NINL: variants seen among roughly 807,000 people sequenced by gnomAD.
NINL encodes the protein ninein-like protein.
A neutral mutation model predicts 160.3 loss-of-function variants in NINL; 153 were observed. That is an observed-to-expected ratio of 0.95 (90% CI 0.84 to 1.09). The LOEUF (loss-of-function observed/expected upper bound fraction) is 1.09, where lower values mean the gene tolerates loss of function less well. NINL is among the 50% of genes least tolerant of loss of function. The probability of loss-of-function intolerance (pLI) is 0.00; values close to 1 mark genes in which losing one functional copy is unlikely to be tolerated. For missense variants in NINL, 1,829 were observed against 1,764.0 expected, an observed-to-expected ratio of 1.04 and a Z score of -0.66; for synonymous variants, 800 against 734.8, an observed-to-expected ratio of 1.09 and a Z score of -1.43.
intron 13 of NINL, chr20:25,488,941 C>A: frequency 2.5e-6 from 1 of 396,314 alleles, no homozygotes; most frequent in East Asian, 4.2e-5. Context: ...GCGCCCTGCA[C>A]TCCTATGTCT....
At chr20:25,570,693 ACTTT>A (rs2065044031) in intron 1 of NINL, among the ~76,000 whole-genome samples, 1 of 74,102 alleles carries the variant, frequency 1.3e-5, no homozygotes, top group Admixed American at 1.6e-4. Flanking sequence ...GGGCAAGTAG[ACTTT>A]TTTTTTTTTT....
chr20:25,513,042 T>C (rs2064102239), intron 3 of NINL, 36 bp from the exon 4 acceptor site: 1 of 1,582,340 alleles, frequency 6.3e-7, no homozygotes, highest in Non-Finnish European at 8.6e-7. Context: ...GGGGGTCCTT[T>C]ATAGCAGTTC....
chr20:25,524,648 C>A (rs893144097), intron 2 of NINL, among the ~76,000 whole-genome samples: 2 of 152,128 alleles, frequency 1.3e-5, no homozygotes, highest in East Asian at 3.9e-4. Context: ...GTAACCCAAG[C>A]GAATTTCTCT....
chr20:25,583,994 G>A (rs902785752), intron 1 of NINL, among the ~76,000 whole-genome samples: 5 of 152,206 alleles, frequency 3.3e-5, no homozygotes, highest in East Asian at 1.9e-4. Context: ...GCGGGTGGGG[G>A]GCAAGAGGAG....
chr20:25,533,486 G>A (rs188966713), intron 1 of NINL, among the ~76,000 whole-genome samples: 1 of 152,180 alleles, frequency 6.6e-6, no homozygotes, highest in Non-Finnish European at 1.5e-5. Context: ...CCTATAAAGT[G>A]TATCTAAACA....
At chr20:25,560,951 T>C (rs888421608) in intron 1 of NINL, among the ~76,000 whole-genome samples, 1 of 151,240 alleles carries the variant, frequency 6.6e-6, no homozygotes, top group African/African-American at 2.4e-5. Context: ...TAAACAAAGT[T>C]CTTCAGCTCT....
Position 25,513,149 on chromosome 20 carries a change from T to C in NINL, c.278-143A>G, listed in dbSNP as rs529211345. 6.0e-5 allele frequency: 44 copies of C among 737,148 alleles called. No homozygotes were observed. In the African/African-American group the frequency reaches 7.6e-4, roughly 13 times the overall value. 45.7% of individuals were successfully genotyped at this position (737,148 alleles called of 1,614,324 possible). On this transcript the variant is annotated intron_variant, in intron 3 of 23. Coordinates refer to ENST00000278886, the MANE Select transcript of NINL (RefSeq NM_025176.6). ...GTACTGCTCTGCACACAGAAGCATC[T>C]GGAAAGACACGAGAAACAGTGAACA...
chr20:25,538,418 A>G (rs954478255), intron 1 of NINL, among the ~76,000 whole-genome samples: 3 of 152,178 alleles, frequency 2.0e-5, no homozygotes, highest in African/African-American at 7.2e-5. Flanking sequence ...CCACCACAAC[A>G]TAAATTACAC....
intron 5 of NINL, among the ~76,000 whole-genome samples, chr20:25,506,198 T>C (rs1209254742): frequency 1.3e-5 from 2 of 152,142 alleles, no homozygotes; most frequent in Non-Finnish European, 2.9e-5. Context: ...GAGGCGGACA[T>C]TGCAGTGAGC....
chr20:25,584,889 T>G (rs2065211082), intron 1 of NINL, among the ~76,000 whole-genome samples: 1 of 152,256 alleles, frequency 6.6e-6, no homozygotes, highest in Non-Finnish European at 1.5e-5. Context: ...GGGGCGAATC[T>G]GCAAAACGAG....
intron 1 of NINL, among the ~76,000 whole-genome samples, chr20:25,527,351 A>C (rs1195529498): frequency 6.6e-6 from 1 of 152,080 alleles, no homozygotes; most frequent in East Asian, 1.9e-4. Context: ...ACGAGGTTTC[A>C]CCATGTTGGA....
intron 1 of NINL, among the ~76,000 whole-genome samples, chr20:25,535,168 G>A (rs899489850): frequency 5.3e-5 from 8 of 152,194 alleles, no homozygotes; most frequent in Non-Finnish European, 1.0e-4. Context: ...GGCCGGCATA[G>A]AGAGACAAAC....
At chr20:25,505,121 C>A (rs2146826011) in intron 5 of NINL, 43 bp from the exon 6 acceptor site, 1 of 1,482,622 alleles carries the variant, frequency 6.7e-7, no homozygotes, top group South Asian at 1.4e-5. Flanking sequence ...GATACATACA[C>A]AATGGAGCAC....
intron 13 of NINL, among the ~76,000 whole-genome samples, chr20:25,486,675 A>G (rs1363149588): frequency 6.6e-6 from 1 of 152,194 alleles, no homozygotes; most frequent in Non-Finnish European, 1.5e-5. Flanking sequence ...GGGTGCCCAG[A>G]TGGAGGCAAA....
At chr20:25,490,545 G>T (rs1205354247) in intron 11 of NINL, among the ~76,000 whole-genome samples, 4 of 146,162 alleles carry the variant, frequency 2.7e-5, no homozygotes, top group African/African-American at 7.7e-5. Flanking sequence ...GGGCGACAGA[G>T]CGAGACTCCA....
chr20:25,561,503 G>A, intron 1 of NINL, among the ~76,000 whole-genome samples: 3 of 151,630 alleles, frequency 2.0e-5, no homozygotes, highest in Non-Finnish European at 2.9e-5. Flanking sequence ...CATCGTCTGG[G>A]ATGTGAGGAG....
In NINL at chr20:25,453,563, G is replaced by A; in HGVS notation, c.4037C>T (p.Ala1346Val). Reference protein sequence around the residue: ...ENAHLVRALQATEEKQRGAEK... With the variant: ...ENAHLVRALQVTEEKQRGAEK... ...GGCGCCTCGCTGCTTCTCCTCGGTG[G>A]CCTGAAGTGCTCTCACCAGGTGGGC... Residue 1346 changes from alanine (A) to valine (V), a missense_variant, in exon 24 of 24, where the codon GCC (alanine) becomes GTC (valine). Coordinates refer to ENST00000278886, the MANE Select transcript of NINL (RefSeq NM_025176.6). 2 of 1,614,104 alleles carry A rather than the reference G, an allele frequency of 1.2e-6. No homozygotes were observed. The highest frequency in any genetic ancestry group is 8.5e-7 in the Non-Finnish European group (1 of 1,179,996).
chr20:25,516,260 AC>A (rs2064158035), intron 3 of NINL, among the ~76,000 whole-genome samples: 1 of 152,170 alleles, frequency 6.6e-6, no homozygotes, highest in Non-Finnish European at 1.5e-5. Flanking sequence ...TTCATGAATT[AC>A]CCAGTCTCAG....
intron 18 of NINL, 70 bp downstream of exon 18, chr20:25,469,921 A>G: frequency 1.0e-6 from 1 of 991,594 alleles, no homozygotes; most frequent in Non-Finnish European, 1.6e-6. Flanking sequence ...CTATATGGAG[A>G]CTGCATAAGG....
Sources: allele counts gnomAD v4.1 joint callset (sites outside exome capture counted in the v4.1 genomes callset), GRCh38; gene constraint gnomAD v4.1.1; transcripts MANE v1.5; gene names NCBI Gene and HGNC (gene_info 2026-07-23, HGNC 2026-07-21).